Variants in ERBB4 observed in about 807,000 individuals in gnomAD.
ERBB4 encodes erb-b2 receptor tyrosine kinase 4, also known as receptor tyrosine-protein kinase erbB-4.
Under a neutral mutation model 158.0 loss-of-function variants are expected in ERBB4, and 42 were observed. The ratio of observed to expected loss-of-function variants is 0.27; its 90% CI spans 0.21 to 0.34. The LOEUF (loss-of-function observed/expected upper bound fraction) is 0.34, where lower values mean the gene tolerates loss of function less well. ERBB4 is among the 10% of genes least tolerant of loss of function. ERBB4 has a pLI of 1.00. For synonymous variants in ERBB4, 583 were observed against 558.7 expected (o/e 1.04, Z -0.61); for missense variants, 1,333 against 1,624.1 (o/e 0.82, Z 3.08).
chr2:211,839,159 AGG>A (rs2105994082), intron 3 of ERBB4, among the ~76,000 whole-genome samples: 1 of 36,340 alleles, frequency 2.8e-5, no homozygotes, highest in East Asian at 5.4e-4. Flanking sequence ...GAGAAGGAGG[AGG>A]AGGAGGAGGA....
chr2:211,950,148 C>A (rs2080834887), intron 2 of ERBB4, among the ~76,000 whole-genome samples: 1 of 152,108 alleles, frequency 6.6e-6, no homozygotes, highest in African/African-American at 2.4e-5. Context: ...ATTCCCTTTG[C>A]AAATAACCCC....
chr2:211,537,755 G>C (rs1324694840), intron 20 of ERBB4, among the ~76,000 whole-genome samples: 1 of 151,836 alleles, frequency 6.6e-6, no homozygotes, highest in African/African-American at 2.4e-5. Flanking sequence ...AGGCTGAATT[G>C]AGTTAAAGGG....
intron 3 of ERBB4, among the ~76,000 whole-genome samples, chr2:211,907,978 T>C (rs1428202047): frequency 6.6e-6 from 1 of 151,864 alleles, no homozygotes; most frequent in African/African-American, 2.4e-5. Flanking sequence ...TGAGACTTCA[T>C]ACTGAAACTT....
intron 1 of ERBB4, among the ~76,000 whole-genome samples, chr2:212,183,145 TATA>T (rs1030027927): frequency 6.6e-6 from 1 of 151,940 alleles, no homozygotes; most frequent in Non-Finnish European, 1.5e-5. Context: ...AATGTATGTA[TATA>T]ATCTATGCCT....
At chr2:212,265,436 A>C (rs2085096508) in intron 1 of ERBB4, among the ~76,000 whole-genome samples, 1 of 152,146 alleles carries the variant, frequency 6.6e-6, no homozygotes, top group African/African-American at 2.4e-5. Context: ...CAGTAAAAGA[A>C]AGAATCCATT....
At chr2:212,467,393 A>C (rs377075218) in intron 1 of ERBB4, among the ~76,000 whole-genome samples, 1 of 152,176 alleles carries the variant, frequency 6.6e-6, no homozygotes, top group Non-Finnish European at 1.5e-5. Flanking sequence ...CAGAGTCCCT[A>C]TGCTGTGTAC....
chr2:212,088,436 G>T (rs1292664678), intron 2 of ERBB4, among the ~76,000 whole-genome samples: 1 of 152,088 alleles, frequency 6.6e-6, no homozygotes, highest in Non-Finnish European at 1.5e-5. Context: ...CACATGACAG[G>T]TACTAACCAT....
At chr2:212,320,440 A>G (rs1338226412) in intron 1 of ERBB4, among the ~76,000 whole-genome samples, 1 of 149,328 alleles carries the variant, frequency 6.7e-6, no homozygotes, top group Non-Finnish European at 1.5e-5. Flanking sequence ...TCCATAGGCA[A>G]GAGAAAAGTG....
intron 9 of ERBB4, among the ~76,000 whole-genome samples, chr2:211,708,178 T>C (rs1367363064): frequency 6.6e-6 from 1 of 152,108 alleles, no homozygotes; most frequent in African/African-American, 2.4e-5. Flanking sequence ...CTAATTCTAC[T>C]GAATTAATTC....
At chr2:211,400,864 TGC>T (rs2063025905) in intron 25 of ERBB4, among the ~76,000 whole-genome samples, 1 of 152,208 alleles carries the variant, frequency 6.6e-6, no homozygotes, top group Middle Eastern at 3.4e-3. Context: ...AAACATTGTA[TGC>T]CTGTATCAAA....
chr2:211,591,293 G>C (rs1160035506), intron 19 of ERBB4, among the ~76,000 whole-genome samples: 1 of 152,226 alleles, frequency 6.6e-6, no homozygotes, highest in African/African-American at 2.4e-5. Context: ...AAGGGGGATA[G>C]ATTAGGGGAG....
At chr2:211,510,807 G>A (rs937441424) in intron 20 of ERBB4, among the ~76,000 whole-genome samples, 2 of 151,852 alleles carry the variant, frequency 1.3e-5, no homozygotes, top group Admixed American at 6.6e-5. Flanking sequence ...GATCAGAGAT[G>A]CTAGCAATCT....
intron 2 of ERBB4, among the ~76,000 whole-genome samples, chr2:212,015,122 C>T (rs1285008145): frequency 3.2e-5 from 4 of 124,572 alleles, no homozygotes; most frequent in East Asian, 4.3e-4. Context: ...AAAAATTAGC[C>T]GGGCATGGTG....
At chr2:212,272,281 C>T (rs1016733151) in intron 1 of ERBB4, among the ~76,000 whole-genome samples, 2 of 151,672 alleles carry the variant, frequency 1.3e-5, no homozygotes, top group African/African-American at 4.8e-5. Context: ...TTTTAAAAAG[C>T]AATGCACAAA....
intron 1 of ERBB4, among the ~76,000 whole-genome samples, chr2:212,376,873 T>C (rs964521368): frequency 6.6e-6 from 1 of 152,044 alleles, no homozygotes; most frequent in African/African-American, 2.4e-5. Context: ...CCTTCCCATA[T>C]GTTCAAAGAA....
At chr2:212,145,037 C>T (rs1405665193) in intron 1 of ERBB4, among the ~76,000 whole-genome samples, 1 of 152,092 alleles carries the variant, frequency 6.6e-6, no homozygotes, top group African/African-American at 2.4e-5. Context: ...ACTTTGCAGC[C>T]TTCTACAGAA....
chr2:212,458,752 A>G (rs1688428457), intron 1 of ERBB4, among the ~76,000 whole-genome samples: 1 of 152,190 alleles, frequency 6.6e-6, no homozygotes, highest in Admixed American at 6.6e-5. Context: ...CAAATAAGGC[A>G]GTAGAAGTTA....
Position 212,178,523 on chromosome 2 carries a change from T to C in ERBB4, c.83-53620A>G, listed in dbSNP as rs575319510. ...CATAACCACTAGGTTTCAGTAACTT[T>C]TATAATTTATTTCATCCTCTTAAAT... On this transcript the variant is annotated intron_variant, in intron 1 of 27. Coordinates refer to ENST00000342788, the MANE Select transcript of ERBB4 (RefSeq NM_005235.3). Among the ~76,000 whole-genome samples the C allele has an allele frequency of 2.3e-3, 343 of 151,928 alleles. 1 individual carries two copies. Among genetic ancestry groups the C allele is most frequent in the African/African-American group, 7.7e-3 (321 of 41,506 alleles).
intron 12 of ERBB4, among the ~76,000 whole-genome samples, chr2:211,701,169 A>C (rs2073222408): frequency 1.3e-5 from 2 of 151,960 alleles, no homozygotes; most frequent in Admixed American, 1.3e-4. Flanking sequence ...TAAATGCATT[A>C]ATAAAATAAA....
Sources: allele counts gnomAD v4.1 joint callset (sites outside exome capture counted in the v4.1 genomes callset), GRCh38; gene constraint gnomAD v4.1.1; transcripts MANE v1.5; gene names NCBI Gene and HGNC (gene_info 2026-07-23, HGNC 2026-07-21).